ADAMTS6: variants seen among roughly 807,000 people sequenced by gnomAD.
The protein encoded by ADAMTS6 is ADAM metallopeptidase with thrombospondin type 1 motif 6.
In ADAMTS6, 23 loss-of-function variants were observed where a neutral mutation model predicts 144.3. The ratio of observed to expected loss-of-function variants is 0.16; its 90% CI spans 0.11 to 0.23. ADAMTS6 has a LOEUF of 0.23. ADAMTS6 is among the 10% of genes least tolerant of loss of function. ADAMTS6 has a pLI of 1.00. For synonymous variants in ADAMTS6, 444 were observed against 457.5 expected, an observed-to-expected ratio of 0.97 and a Z score of 0.38; for missense variants, 999 against 1,379.6, an observed-to-expected ratio of 0.72 and a Z score of 4.37.
intron 15 of ADAMTS6, among the ~76,000 whole-genome samples, chr5:65,226,445 G>A (rs1757732699): frequency 6.6e-6 from 1 of 151,260 alleles, no homozygotes; most frequent in African/African-American, 2.4e-5. Flanking sequence ...AAAATTTCAG[G>A]TATTTCCATT....
chr5:65,244,266 A>G (rs1759446225), intron 14 of ADAMTS6, among the ~76,000 whole-genome samples: 1 of 152,114 alleles, frequency 6.6e-6, no homozygotes, highest in Admixed American at 6.6e-5. Context: ...TAGATGAAAG[A>G]GATGAACTAT....
chr5:65,261,603 T>C (rs187904452), intron 13 of ADAMTS6, among the ~76,000 whole-genome samples: 51 of 152,310 alleles, frequency 3.3e-4, no homozygotes, highest in African/African-American at 7.7e-4. Flanking sequence ...ATTTTGAATA[T>C]ATTTTGAATG....
chr5:65,427,355 G>A (rs1179007255), intron 7 of ADAMTS6, among the ~76,000 whole-genome samples: 4 of 151,712 alleles, frequency 2.6e-5, no homozygotes, highest in Non-Finnish European at 4.4e-5. Context: ...CCAGGCTGGA[G>A]TGCCAAGGCA....
Position 65,254,991 on chromosome 5 carries a change from G to C in ADAMTS6, c.1830+5609C>G, listed in dbSNP as rs142586299. 2.7e-3 allele frequency among the ~76,000 whole-genome samples: 408 copies of C among 152,202 alleles called. 3 individuals are homozygous for C. The highest frequency in any genetic ancestry group is 4.5e-3 in the Non-Finnish European group (306 of 68,006). ...CTCCTACTACTACCACTACATCTGTGGCTACTACTTCTACTAGTAAAGATA... is the reference window on the plus strand; with the variant it reads ...CTCCTACTACTACCACTACATCTGTCGCTACTACTTCTACTAGTAAAGATA... On this transcript the variant is annotated intron_variant, in intron 14 of 24. Transcript: ENST00000381055.
intron 12 of ADAMTS6, among the ~76,000 whole-genome samples, chr5:65,269,993 C>T (rs1580246707): frequency 6.6e-6 from 1 of 152,082 alleles, no homozygotes; most frequent in East Asian, 1.9e-4. Context: ...AGGGTTTCAC[C>T]ATGTTGGCCA....
chr5:65,314,527 A>C (rs1422635051), intron 9 of ADAMTS6, among the ~76,000 whole-genome samples: 1 of 152,206 alleles, frequency 6.6e-6, no homozygotes, highest in African/African-American at 2.4e-5. Context: ...CAGATACCCA[A>C]CTACAGATCC....
intron 7 of ADAMTS6, among the ~76,000 whole-genome samples, chr5:65,339,667 T>C (rs1747636344): frequency 6.6e-6 from 1 of 150,930 alleles, no homozygotes; most frequent in African/African-American, 2.4e-5. Context: ...AAATAAAAAA[T>C]AGAAGAAAAG....
intron 20 of ADAMTS6, among the ~76,000 whole-genome samples, chr5:65,199,759 G>C (rs1183339279): frequency 6.6e-6 from 1 of 152,126 alleles, no homozygotes; most frequent in African/African-American, 2.4e-5. Flanking sequence ...AACAGAGATA[G>C]TTACTAAACC....
chr5:65,205,268 T>G (rs1311936565), intron 20 of ADAMTS6, among the ~76,000 whole-genome samples: 1 of 152,228 alleles, frequency 6.6e-6, no homozygotes, highest in Non-Finnish European at 1.5e-5. Flanking sequence ...CCGTAAAACA[T>G]AAGTCTCAGA....
At chr5:65,437,369 C>G (rs900599497) in intron 7 of ADAMTS6, among the ~76,000 whole-genome samples, 4 of 152,112 alleles carry the variant, frequency 2.6e-5, no homozygotes, top group Non-Finnish European at 1.5e-5. Context: ...GCTGGGATTA[C>G]AGGTGTGAGC....
chr5:65,448,302 A>C (rs1216926779), intron 7 of ADAMTS6, among the ~76,000 whole-genome samples: 2 of 152,164 alleles, frequency 1.3e-5, no homozygotes, highest in African/African-American at 4.8e-5. Context: ...TAAAACAATA[A>C]GATATAATTT....
intron 21 of ADAMTS6, among the ~76,000 whole-genome samples, chr5:65,194,423 A>C (rs769389684): frequency 6.6e-6 from 1 of 152,150 alleles, no homozygotes; most frequent in Non-Finnish European, 1.5e-5. Context: ...TTGCCAGATG[A>C]TTTTGCCCAA....
intron 15 of ADAMTS6, among the ~76,000 whole-genome samples, chr5:65,233,282 T>C (rs549826630): frequency 6.6e-6 from 1 of 152,086 alleles, no homozygotes; most frequent in Non-Finnish European, 1.5e-5. Context: ...AGGAACAAGG[T>C]AACGATGCCC....
At chr5:65,192,117 C>T (rs1184209570) in intron 21 of ADAMTS6, among the ~76,000 whole-genome samples, 1 of 151,968 alleles carries the variant, frequency 6.6e-6, no homozygotes, top group Non-Finnish European at 1.5e-5. Flanking sequence ...GGTCCAATGA[C>T]TCAGAATAAT....
intron 7 of ADAMTS6, among the ~76,000 whole-genome samples, chr5:65,387,532 G>A (rs564369682): frequency 2.0e-5 from 3 of 152,192 alleles, no homozygotes; most frequent in Admixed American, 6.5e-5. Flanking sequence ...TGGGTCAAAT[G>A]AGCCTGATGT....
At chr5:65,174,756 A>G (rs1284678072) in intron 22 of ADAMTS6, among the ~76,000 whole-genome samples, 1 of 152,184 alleles carries the variant, frequency 6.6e-6, no homozygotes, top group Non-Finnish European at 1.5e-5. Flanking sequence ...AGTTTGGTGT[A>G]AACTGTAAAA....
intron 4 of ADAMTS6, among the ~76,000 whole-genome samples, chr5:65,456,100 AAATTAAGTT>A (rs1759173958): frequency 6.6e-6 from 1 of 151,830 alleles, no homozygotes; most frequent in Non-Finnish European, 1.5e-5. Context: ...TTCATTTTAA[AAATTAAGTT>A]AATCCAGCAT....
chr5:65,271,127 C>T (rs1291625864), intron 12 of ADAMTS6, among the ~76,000 whole-genome samples: 1 of 152,066 alleles, frequency 6.6e-6, no homozygotes, highest in East Asian at 1.9e-4. Context: ...CGGTGGCTCA[C>T]ACCTATAATC....
intron 7 of ADAMTS6, among the ~76,000 whole-genome samples, chr5:65,396,916 A>G (rs1753388991): frequency 6.6e-6 from 1 of 152,178 alleles, no homozygotes; most frequent in South Asian, 2.1e-4. Context: ...GAATCAGTAT[A>G]ATTTCTTTTG....
Sources: allele counts gnomAD v4.1 joint callset (sites outside exome capture counted in the v4.1 genomes callset), GRCh38; gene constraint gnomAD v4.1.1; transcripts MANE v1.5; gene names NCBI Gene and HGNC (gene_info 2026-07-23, HGNC 2026-07-21).